Variants in IL1RAPL2 observed in about 807,000 individuals in gnomAD.
IL1RAPL2 encodes X-linked interleukin-1 receptor accessory protein-like 2.
A neutral mutation model predicts 44.1 loss-of-function variants in IL1RAPL2; 3 were observed. The ratio of observed to expected loss-of-function variants is 0.07; its 90% CI spans 0.03 to 0.18. The LOEUF (loss-of-function observed/expected upper bound fraction) is 0.18. Ranked by LOEUF, IL1RAPL2 falls within the 10% of genes least tolerant of loss-of-function variation. The probability of loss-of-function intolerance (pLI) is 1.00; values close to 1 mark genes in which losing one functional copy is unlikely to be tolerated. For synonymous variants in IL1RAPL2, 181 were observed against 178.8 expected, an observed-to-expected ratio of 1.01 and a Z score of -0.10; for missense variants, 391 against 496.4, an observed-to-expected ratio of 0.79 and a Z score of 2.02.
chrX:104,632,556 A>G (rs753751233), intron 1 of IL1RAPL2, among the ~76,000 whole-genome samples: 57 of 108,684 alleles, frequency 5.2e-4, no homozygotes, highest in African/African-American at 1.1e-3. Flanking sequence ...GAGGTCCTTC[A>G]CATCCCTTGT....
intron 2 of IL1RAPL2, among the ~76,000 whole-genome samples, chrX:104,706,672 C>T (rs1324606319): frequency 1.8e-5 from 2 of 112,160 alleles, no homozygotes; most frequent in Non-Finnish European, 3.8e-5. Flanking sequence ...TTCACATTCT[C>T]TAGGTCATAA....
chrX:105,136,204 A>G (rs1225773545), intron 2 of IL1RAPL2, among the ~76,000 whole-genome samples: 1 of 111,931 alleles, frequency 8.9e-6, no homozygotes, highest in Non-Finnish European at 1.9e-5. Context: ...ATTGAAAGGA[A>G]ATTTCATTAG....
chrX:104,823,991 T>A (rs1921382291), intron 2 of IL1RAPL2, among the ~76,000 whole-genome samples: 1 of 111,888 alleles, frequency 8.9e-6, no homozygotes. Flanking sequence ...TGCTTCCAGT[T>A]TTTGCCCATT....
chrX:105,308,446 C>A (rs1307815931), intron 5 of IL1RAPL2, among the ~76,000 whole-genome samples: 1 of 112,208 alleles, frequency 8.9e-6, no homozygotes, highest in Non-Finnish European at 1.9e-5. Context: ...GTAACCCACA[C>A]CCCTGTTAAA....
intron 6 of IL1RAPL2, among the ~76,000 whole-genome samples, chrX:105,499,596 C>T (rs965894740): frequency 1.8e-5 from 2 of 111,984 alleles, no homozygotes; most frequent in Non-Finnish European, 3.8e-5. Flanking sequence ...TTTGCATAGA[C>T]ATTTCTCAAA....
At chrX:105,356,862 C>T (rs1481134984) in intron 5 of IL1RAPL2, among the ~76,000 whole-genome samples, 5 of 112,021 alleles carry the variant, frequency 4.5e-5, no homozygotes, top group African/African-American at 1.6e-4. Context: ...TCAAACTCAA[C>T]AAACCTTGGT....
intron 1 of IL1RAPL2, among the ~76,000 whole-genome samples, chrX:104,627,056 A>C (rs367707553): frequency 9.2e-6 from 1 of 109,284 alleles, no homozygotes; most frequent in African/African-American, 3.3e-5. Context: ...TGACCTCATG[A>C]TCCGCCCGCC....
intron 5 of IL1RAPL2, among the ~76,000 whole-genome samples, chrX:105,360,810 A>G (rs2035242201): frequency 9.0e-6 from 1 of 111,358 alleles, no homozygotes; most frequent in African/African-American, 3.3e-5. Context: ...CCAGTGATAT[A>G]AAAGATTTAA....
chrX:104,783,613 A>ATTT (rs1026561192), intron 2 of IL1RAPL2, among the ~76,000 whole-genome samples: 1 of 109,804 alleles, frequency 9.1e-6, no homozygotes, highest in Non-Finnish European at 1.9e-5. Flanking sequence ...GGTATTTGGT[A>ATTT]TTTTATTTTG....
Position 105,152,469 on chromosome X carries a change from T to C in IL1RAPL2, c.83-43006T>C, listed in dbSNP as rs751449481. 3.6e-5 allele frequency among the ~76,000 whole-genome samples: 4 copies of C among 112,418 alleles called. No homozygotes were observed. In the East Asian group the frequency reaches 1.1e-3, roughly 32 times the overall value. On this transcript the variant is annotated intron_variant, in intron 2 of 10. Transcript: ENST00000372582. ...TCAAATCAAATTAATTGAGACATTT[T>C]ATGTGCCCTATAATTCATTTAGATC...
At chrX:105,596,000 C>T (rs995834357) in intron 6 of IL1RAPL2, among the ~76,000 whole-genome samples, 1 of 111,102 alleles carries the variant, frequency 9.0e-6, no homozygotes, top group Non-Finnish European at 1.9e-5. Flanking sequence ...TTAATATCTC[C>T]ACTTTCATCT....
intron 5 of IL1RAPL2, among the ~76,000 whole-genome samples, chrX:105,424,763 GAATAA>G (rs2035797632): frequency 9.2e-6 from 1 of 108,733 alleles, no homozygotes; most frequent in South Asian, 4.2e-4. Flanking sequence ...AAAAATAAAT[GAATAA>G]AATAAAAAAT....
chrX:105,331,995 A>G (rs1215924305), intron 5 of IL1RAPL2, among the ~76,000 whole-genome samples: 1 of 109,805 alleles, frequency 9.1e-6, no homozygotes, highest in Non-Finnish European at 1.9e-5. Context: ...CAAGATAGAC[A>G]GGCAGAAGAA....
intron 5 of IL1RAPL2, among the ~76,000 whole-genome samples, chrX:105,270,025 G>A (rs1034363602): frequency 3.6e-5 from 4 of 111,533 alleles, no homozygotes; most frequent in Admixed American, 9.6e-5. Context: ...TGAATACCTC[G>A]CAGAGGATCT....
intron 2 of IL1RAPL2, among the ~76,000 whole-genome samples, chrX:104,892,614 T>C (rs1040215748): frequency 8.9e-6 from 1 of 112,089 alleles, no homozygotes; most frequent in African/African-American, 3.2e-5. Context: ...TGGTAGTTTG[T>C]ATTTCTGTGG....
At chrX:105,252,938 A>G (rs1322225128) in intron 4 of IL1RAPL2, among the ~76,000 whole-genome samples, 2 of 90,821 alleles carry the variant, frequency 2.2e-5, no homozygotes, top group Non-Finnish European at 1.9e-5. Flanking sequence ...AATTATTTGG[A>G]ACTTTTTTGT....
chrX:105,709,033 T>C (rs185532793), intron 6 of IL1RAPL2, among the ~76,000 whole-genome samples: 1 of 112,646 alleles, frequency 8.9e-6, no homozygotes, highest in African/African-American at 3.2e-5. Context: ...TTGCTGAGTA[T>C]AATTTGGACT....
At chrX:104,765,171 G>A (rs1932533988) in intron 2 of IL1RAPL2, among the ~76,000 whole-genome samples, 1 of 111,573 alleles carries the variant, frequency 9.0e-6, no homozygotes, top group Non-Finnish European at 1.9e-5. Flanking sequence ...GAAGCCATCA[G>A]GTCCTGAGCT....
intron 2 of IL1RAPL2, among the ~76,000 whole-genome samples, chrX:105,103,243 T>A (rs1275252343): frequency 8.9e-6 from 1 of 111,779 alleles, no homozygotes; most frequent in Non-Finnish European, 1.9e-5. Context: ...TGGTGTTAAG[T>A]GAGCCTAAAA....
Sources: allele counts gnomAD v4.1 joint callset (sites outside exome capture counted in the v4.1 genomes callset), GRCh38; gene constraint gnomAD v4.1.1; transcripts MANE v1.5; gene names NCBI Gene and HGNC (gene_info 2026-07-23, HGNC 2026-07-21).